Variants in DGKB observed in about 807,000 individuals in gnomAD.
The protein encoded by DGKB is diacylglycerol kinase beta.
A neutral mutation model predicts 114.3 loss-of-function variants in DGKB; 67 were observed. The observed-to-expected ratio is 0.59, with a 90% CI of 0.48 to 0.72. The LOEUF is 0.72. DGKB is among the 30% of genes least tolerant of loss of function. DGKB has a pLI of 0.00. For missense variants in DGKB, 907 were observed against 975.2 expected (o/e 0.93, Z 0.93); for synonymous variants, 398 against 323.1 (o/e 1.23, Z -2.49).
At chr7:14,772,492 GA>G (rs1247488414) in intron 2 of DGKB, among the ~76,000 whole-genome samples, 4 of 152,120 alleles carry the variant, frequency 2.6e-5, no homozygotes, top group African/African-American at 9.7e-5. Flanking sequence ...GAATTTTTAT[GA>G]AATACACTTA....
At chr7:14,839,423 T>G (rs1488542804) in intron 2 of DGKB, among the ~76,000 whole-genome samples, 2 of 150,686 alleles carry the variant, frequency 1.3e-5, no homozygotes, top group Non-Finnish European at 3.0e-5. Context: ...TTTTTTTTTT[T>G]TTTGACAGGG....
intron 17 of DGKB, among the ~76,000 whole-genome samples, chr7:14,598,514 T>G (rs1357867): frequency 0.51 from 77,377 of 152,002 alleles, 20,121 homozygotes; most frequent in African/African-American, 0.6. Flanking sequence ...TGTTTACTGA[T>G]TTCTGCATAG....
intron 23 of DGKB, among the ~76,000 whole-genome samples, chr7:14,231,822 G>A (rs1648986636): frequency 6.6e-6 from 1 of 151,998 alleles, no homozygotes; most frequent in South Asian, 2.1e-4. Flanking sequence ...AAGTTGAATT[G>A]ATGTGAAGTT....
intron 21 of DGKB, among the ~76,000 whole-genome samples, chr7:14,364,493 C>T (rs1248248380): frequency 2.6e-5 from 4 of 151,982 alleles, no homozygotes; most frequent in Admixed American, 6.6e-5. Context: ...TTGTTACATT[C>T]AATCGTCACA....
rs1409114630 is a variant in DGKB at position 14,694,063 on chromosome 7, G to A, written c.711+12C>T. ...TCACCACCAGGCCACCCTCCTCTGTGGAAATGCTTACATTTTCTAAGCCCA... is the reference window on the plus strand; with the variant it reads ...TCACCACCAGGCCACCCTCCTCTGTAGAAATGCTTACATTTTCTAAGCCCA... On this transcript the variant is annotated intron_variant, in intron 9 of 25. Transcript: ENST00000402815. 4 of 1,571,720 alleles carry A rather than the reference G, an allele frequency of 2.5e-6. No homozygotes were observed. Among genetic ancestry groups the A allele is most frequent in the Admixed American group, 3.7e-5 (2 of 53,680 alleles).
intron 21 of DGKB, among the ~76,000 whole-genome samples, chr7:14,376,766 T>C (rs1818546946): frequency 1.3e-5 from 2 of 152,186 alleles, no homozygotes; most frequent in Non-Finnish European, 1.5e-5. Flanking sequence ...TTGCACTAAA[T>C]AACTTTTCTA....
chr7:14,843,216 TAA>T (rs58201538), intron 1 of DGKB, among the ~76,000 whole-genome samples: 14 of 125,776 alleles, frequency 1.1e-4, no homozygotes, highest in Middle Eastern at 5.1e-3. Flanking sequence ...GATTCTGTCT[TAA>T]AAAAAAAAAA....
chr7:14,873,604 C>T (rs1353941125), intron 1 of DGKB, among the ~76,000 whole-genome samples: 1 of 151,776 alleles, frequency 6.6e-6, no homozygotes, highest in African/African-American at 2.4e-5. Context: ...ATATTACCAA[C>T]CTAATCTCCA....
intron 20 of DGKB, among the ~76,000 whole-genome samples, chr7:14,489,956 C>G (rs542902956): frequency 4.9e-4 from 74 of 152,094 alleles, no homozygotes; most frequent in African/African-American, 1.5e-3. Context: ...GTGGTGGAAC[C>G]AGAACTAGAA....
chr7:14,667,802 C>T (rs752635186), intron 13 of DGKB, among the ~76,000 whole-genome samples: 24 of 152,034 alleles, frequency 1.6e-4, no homozygotes, highest in Non-Finnish European at 2.9e-4. Flanking sequence ...ATGTGTACAA[C>T]AGTCAATATT....
intron 23 of DGKB, among the ~76,000 whole-genome samples, chr7:14,213,614 T>C (rs577526155): frequency 2.6e-5 from 4 of 152,176 alleles, no homozygotes; most frequent in Non-Finnish European, 4.4e-5. Context: ...ATGCAAACCA[T>C]TGCAGAAGCA....
intron 20 of DGKB, among the ~76,000 whole-genome samples, chr7:14,481,497 C>G (rs1379489979): frequency 1.3e-5 from 2 of 151,874 alleles, no homozygotes; most frequent in Non-Finnish European, 2.9e-5. Context: ...AATAATCTTT[C>G]TCTCACAAAT....
chr7:14,784,873 T>C (rs949843899), intron 2 of DGKB, among the ~76,000 whole-genome samples: 2 of 152,172 alleles, frequency 1.3e-5, no homozygotes, highest in Admixed American at 6.5e-5. Context: ...TTTATACTTC[T>C]TGTGATCCCT....
At chr7:14,543,809 A>G (rs936006644) in intron 20 of DGKB, among the ~76,000 whole-genome samples, 1 of 152,236 alleles carries the variant, frequency 6.6e-6, no homozygotes, top group African/African-American at 2.4e-5. Context: ...TAATTCTTAC[A>G]GAGAAAGCTC....
rs562219154 is a variant in DGKB at position 14,701,721 on chromosome 7, C to T, written c.476G>A (p.Arg159His). The T allele has an allele frequency of 6.8e-6, 11 of 1,609,102 alleles. No homozygotes were observed. The highest frequency in any genetic ancestry group is 2.2e-5 in the East Asian group (1 of 44,760). Residue 159 changes from arginine (R) to histidine (H), a missense_variant, in exon 7 of 26, where the codon CGC (arginine) becomes CAC (histidine). Transcript: ENST00000402815. The part of the protein sequence containing the change: ...RPEDKLEFMF[R>H]LYDTDGNGFL... Reference sequence around the variant, plus strand: ...GCCATTCCCATCCGTGTCATAAAGGCGAAACATAACTAGAATGAAAGAGGT... The same window carrying T: ...GCCATTCCCATCCGTGTCATAAAGGTGAAACATAACTAGAATGAAAGAGGT...
At chr7:14,336,545 T>G (rs1810707151) in intron 23 of DGKB, among the ~76,000 whole-genome samples, 2 of 152,040 alleles carry the variant, frequency 1.3e-5, no homozygotes. Flanking sequence ...GGCCTATATA[T>G]TCCCACTTCC....
intron 20 of DGKB, among the ~76,000 whole-genome samples, chr7:14,541,879 A>C (rs1380721854): frequency 6.6e-6 from 1 of 152,210 alleles, no homozygotes. Context: ...AGATGCTATC[A>C]ATAGTCTCTT....
Position 14,513,438 on chromosome 7 carries a change from T to A in DGKB, c.1771-35213A>T, listed in dbSNP as rs558511613. On this transcript the variant is annotated intron_variant, in intron 20 of 25. Transcript: ENST00000402815. ...TCATCAAATTAAAATGACTTAGTTA[T>A]GTGAGCTCAATCACATAATACCTTT... Among the ~76,000 whole-genome samples the A allele has an allele frequency of 1.2e-4, 19 of 152,186 alleles. 1 individual carries two copies. The South Asian group carries it at 2.5e-3, about 20-fold the overall frequency.
intron 13 of DGKB, among the ~76,000 whole-genome samples, chr7:14,659,421 G>A (rs1204224576): frequency 2.0e-5 from 3 of 151,766 alleles, no homozygotes; most frequent in African/African-American, 7.3e-5. Flanking sequence ...GCAGTAGTTT[G>A]TAGTTCTCCT....
Sources: gnomAD v4.1 joint callset for allele counts (sites outside exome capture counted in the v4.1 genomes callset) on GRCh38, gnomAD v4.1.1 for gene constraint, MANE v1.5 for transcripts, NCBI Gene and HGNC (gene_info 2026-07-23, HGNC 2026-07-21) for gene names.